Variants in SPON1 observed in about 807,000 individuals in gnomAD.
SPON1 encodes the protein spondin-1.
In SPON1, 52 loss-of-function variants were observed where a neutral mutation model predicts 111.7. The observed-to-expected ratio is 0.47, with a 90% CI of 0.37 to 0.59. The LOEUF is 0.59. Among genes scored for constraint, SPON1 ranks in the 20% least tolerant of loss-of-function variants. SPON1 has a pLI of 0.00. For synonymous variants in SPON1, 410 were observed against 395.8 expected, an observed-to-expected ratio of 1.04 and a Z score of -0.43; for missense variants, 957 against 1,068.5, an observed-to-expected ratio of 0.90 and a Z score of 1.46.
chr11:14,206,405 C>G (rs1252713334), intron 6 of SPON1, among the ~76,000 whole-genome samples: 9 of 152,258 alleles, frequency 5.9e-5, no homozygotes, highest in African/African-American at 2.2e-4. Flanking sequence ...ATTGGTCAGG[C>G]TGGTCTCGAA....
chr11:14,059,290 G>A (rs1468740737), intron 3 of SPON1, among the ~76,000 whole-genome samples: 1 of 152,156 alleles, frequency 6.6e-6, no homozygotes, highest in South Asian at 2.1e-4. Flanking sequence ...CCCTCAGGGG[G>A]AAAGGCTGTG....
intron 3 of SPON1, among the ~76,000 whole-genome samples, chr11:14,069,801 C>G (rs963939630): frequency 2.0e-5 from 3 of 147,644 alleles, no homozygotes; most frequent in African/African-American, 7.4e-5. Context: ...CTTTGTGACC[C>G]CAAGCAGAGA....
intron 1 of SPON1, among the ~76,000 whole-genome samples, chr11:13,966,444 G>T (rs889773903): frequency 6.6e-6 from 1 of 152,168 alleles, no homozygotes; most frequent in African/African-American, 2.4e-5. Flanking sequence ...GAAAATAAAA[G>T]AGGCTCTTTT....
chr11:14,093,605 T>G (rs369435748), intron 5 of SPON1, among the ~76,000 whole-genome samples: 4 of 152,226 alleles, frequency 2.6e-5, no homozygotes, highest in East Asian at 1.9e-4. Flanking sequence ...GGAAATATAC[T>G]CTATATAATC....
intron 2 of SPON1, among the ~76,000 whole-genome samples, chr11:14,008,435 C>T (rs1848380427): frequency 6.6e-6 from 1 of 152,158 alleles, no homozygotes; most frequent in Non-Finnish European, 1.5e-5. Context: ...AAGGCTTGTC[C>T]TCCCACTTTC....
chr11:13,991,462 G>C (rs1199790124), intron 2 of SPON1, among the ~76,000 whole-genome samples: 1 of 152,078 alleles, frequency 6.6e-6, no homozygotes, highest in Non-Finnish European at 1.5e-5. Flanking sequence ...GGTTATTCTA[G>C]TCAGCAATTC....
intron 6 of SPON1, among the ~76,000 whole-genome samples, chr11:14,169,641 G>GTT (rs2133880811): frequency 6.6e-6 from 1 of 151,084 alleles, no homozygotes; most frequent in Admixed American, 6.6e-5. Flanking sequence ...GGTCTAACAT[G>GTT]TAAGTCTTTA....
chr11:13,975,816 C>T (rs1301780411), intron 1 of SPON1, among the ~76,000 whole-genome samples: 3 of 152,138 alleles, frequency 2.0e-5, no homozygotes, highest in African/African-American at 7.2e-5. Context: ...AATCATTGTT[C>T]CTGAGGACCA....
chr11:14,042,218 A>C (rs996908202), intron 3 of SPON1, among the ~76,000 whole-genome samples: 1 of 152,208 alleles, frequency 6.6e-6, no homozygotes, highest in Non-Finnish European at 1.5e-5. Context: ...GGAAGGTAGC[A>C]TTATCTCAAA....
intron 6 of SPON1, among the ~76,000 whole-genome samples, chr11:14,139,971 TGA>T (rs1162334275): frequency 7.2e-5 from 11 of 152,128 alleles, no homozygotes; most frequent in African/African-American, 2.4e-4. Context: ...ACAAGGATAG[TGA>T]GGGGATTGTG....
At chr11:13,976,787 G>T (rs1239008004) in intron 1 of SPON1, among the ~76,000 whole-genome samples, 1 of 152,202 alleles carries the variant, frequency 6.6e-6, no homozygotes, top group African/African-American at 2.4e-5. Context: ...CCAGCACCCA[G>T]ATCAAGAAAC....
intron 6 of SPON1, among the ~76,000 whole-genome samples, chr11:14,147,047 T>TTG (rs1847728454): frequency 1.1e-5 from 1 of 89,926 alleles, no homozygotes; most frequent in Non-Finnish European, 2.1e-5. Flanking sequence ...TTTTTTTTTT[T>TTG]GAGACGGAGT....
intron 5 of SPON1, among the ~76,000 whole-genome samples, chr11:14,122,721 G>A (rs1847406496): frequency 6.6e-6 from 1 of 151,944 alleles, no homozygotes; most frequent in South Asian, 2.1e-4. Context: ...TTCCATCAGA[G>A]CTTTTTAAAA....
intron 5 of SPON1, among the ~76,000 whole-genome samples, chr11:14,087,542 T>C (rs1271119762): frequency 1.3e-5 from 2 of 152,140 alleles, no homozygotes; most frequent in Non-Finnish European, 2.9e-5. Context: ...TTTTGCATTT[T>C]CTGAGGAGTG....
At chr11:14,264,034 TAAAAAAAAAAAA>T (rs113927403) in intron 15 of SPON1, among the ~76,000 whole-genome samples, 48 of 117,688 alleles carry the variant, frequency 4.1e-4, no homozygotes, top group Non-Finnish European at 2.0e-4. Context: ...CGTCTCAAAT[TAAAAAAAAAAAA>T]AAAGAAAAGT....
At chr11:14,220,937 T>C (rs1848673868) in intron 6 of SPON1, among the ~76,000 whole-genome samples, 1 of 151,600 alleles carries the variant, frequency 6.6e-6, no homozygotes, top group Non-Finnish European at 1.5e-5. Context: ...TATGCCAGGG[T>C]CAGGACAAAG....
At chr11:14,020,070 A>T (rs1848469974) in intron 2 of SPON1, among the ~76,000 whole-genome samples, 1 of 152,290 alleles carries the variant, frequency 6.6e-6, no homozygotes, top group Middle Eastern at 3.4e-3. Context: ...TGTAAATCCT[A>T]AACAAATAGG....
At chr11:14,005,951 G>A (rs1360343283) in intron 2 of SPON1, among the ~76,000 whole-genome samples, 1 of 152,134 alleles carries the variant, frequency 6.6e-6, no homozygotes, top group African/African-American at 2.4e-5. Flanking sequence ...TACCCACTTT[G>A]GAGGGTGAAT....
At chr11:14,000,648 C>T (rs1241947790) in intron 2 of SPON1, among the ~76,000 whole-genome samples, 4 of 152,036 alleles carry the variant, frequency 2.6e-5, no homozygotes, top group African/African-American at 9.7e-5. Flanking sequence ...CCCCCACCCT[C>T]AGCCCATTTT....
Sources: allele counts gnomAD v4.1 joint callset (sites outside exome capture counted in the v4.1 genomes callset), GRCh38; gene constraint gnomAD v4.1.1; transcripts MANE v1.5; gene names NCBI Gene and HGNC (gene_info 2026-07-23, HGNC 2026-07-21).